GAS7: variants seen among roughly 807,000 people sequenced by gnomAD.
GAS7 encodes growth arrest-specific protein 7.
In GAS7, 28 loss-of-function variants were observed where a neutral mutation model predicts 71.1. The observed-to-expected ratio is 0.39, with a 90% CI of 0.29 to 0.54. The LOEUF (loss-of-function observed/expected upper bound fraction) is 0.54, where lower values mean the gene tolerates loss of function less well. Ranked by LOEUF, GAS7 falls within the 20% of genes least tolerant of loss-of-function variation. The pLI is 0.62. For synonymous variants in GAS7, 258 were observed against 245.8 expected (o/e 1.05, Z -0.46); for missense variants, 436 against 627.8 (o/e 0.69, Z 3.27).
At chr17:10,061,471 C>T (rs1029782202) in intron 1 of GAS7, 7 of 152,232 alleles carry the variant, frequency 4.6e-5, no homozygotes, top group African/African-American at 1.4e-4. Flanking sequence ...ACAAACAGCG[C>T]CAGGGGCGTC....
At chr17:10,058,592 T>A (rs186057852) in intron 1 of GAS7, among the ~76,000 whole-genome samples, 3 of 152,318 alleles carry the variant, frequency 2.0e-5, no homozygotes, top group Admixed American at 2.0e-4. Flanking sequence ...TTCGGACAAC[T>A]CCTCTGGCTG....
rs549011075 is a variant in GAS7, at chr17:9,996,849, AG to A, written c.305-14966del. ...GAGACAGAGTTTCTCCATGTTGGCCAGGCTGGTCTCGAACTCCTGATCTCAG... is the reference window on the plus strand; with the variant it reads ...GAGACAGAGTTTCTCCATGTTGGCCAGCTGGTCTCGAACTCCTGATCTCAG... On this transcript the variant is annotated intron_variant, in intron 2 of 13. Coordinates refer to ENST00000432992, the MANE Select transcript of GAS7 (RefSeq NM_201433.2). 3.8e-3 allele frequency among the ~76,000 whole-genome samples: 570 copies of A among 151,894 alleles called. 2 individuals are homozygous for A. Among genetic ancestry groups the A allele is most frequent in the African/African-American group, 0.013 (538 of 41,266 alleles).
At position 9,959,480 on chromosome 17, in the gene GAS7, A is replaced by T. The variant is rs1366977302; in HGVS notation, c.472-225T>A. 7.1e-7 allele frequency: 1 copy of T among 1,400,272 alleles called. No homozygotes were observed. The highest frequency in any genetic ancestry group is 1.4e-5 in the African/African-American group (1 of 69,022). 86.7% of individuals were successfully genotyped at this position (1,400,272 alleles called of 1,614,324 possible). On this transcript the variant is annotated intron_variant, in intron 4 of 13. Coordinates refer to ENST00000432992, the MANE Select transcript of GAS7 (RefSeq NM_201433.2). The surrounding 1 kb of genome is among the most constrained non-coding windows in gnomAD (Gnocchi z 5.0). Reference sequence around the variant, plus strand: ...GGCGAATTAAGGAAGCCTCCTGCACAGGCTCTGAGAGAACTGCTCCAAACC... The same window carrying T: ...GGCGAATTAAGGAAGCCTCCTGCACTGGCTCTGAGAGAACTGCTCCAAACC...
chr17:10,150,690 G>A lies in GAS7; in HGVS notation c.183+47518C>T, dbSNP rs193254023. On this transcript the variant is annotated intron_variant, in intron 1 of 13. Transcript: ENST00000432992. ...TGCAACCTCTGCCTCACAGGCTCAA[G>A]CAATTCTCCTGCCTCAGCCTCCCGA... 8.4e-4 allele frequency among the ~76,000 whole-genome samples: 126 copies of A among 150,386 alleles called. 1 individual carries two copies. The highest frequency in any genetic ancestry group is 3.0e-3 in the African/African-American group (124 of 40,676).
intron 1 of GAS7, among the ~76,000 whole-genome samples, chr17:10,161,510 G>C (rs531642571): frequency 1.3e-5 from 2 of 152,182 alleles, no homozygotes; most frequent in African/African-American, 2.4e-5. Context: ...CTTGTCCTCT[G>C]ACTCGAGCAC....
chr17:9,944,536 G>A (rs550629177), intron 6 of GAS7, among the ~76,000 whole-genome samples: 1 of 152,298 alleles, frequency 6.6e-6, no homozygotes, highest in South Asian at 2.1e-4. Context: ...GGAAAGAAAA[G>A]GGGTTGCTGA....
At chr17:10,098,449 G>C (rs2073666451) in intron 1 of GAS7, among the ~76,000 whole-genome samples, 1 of 152,230 alleles carries the variant, frequency 6.6e-6, no homozygotes, top group South Asian at 2.1e-4. Flanking sequence ...GAGGATGCAG[G>C]GTGATGAGGT....
At chr17:10,152,531 G>A (rs565054400) in intron 1 of GAS7, among the ~76,000 whole-genome samples, 5 of 152,112 alleles carry the variant, frequency 3.3e-5, no homozygotes, top group Admixed American at 6.5e-5. Flanking sequence ...CACCTAGACC[G>A]AGTGACTCAT....
Position 10,018,271 on chromosome 17 carries a change from T to C in GAS7, c.304+1506A>G, listed in dbSNP as rs572435124. ...AACTAGTCTCTAACTTAAAAAAAGATAAAGATGCTGAAATTCAGAAAGCCA... is the reference window on the plus strand; with the variant it reads ...AACTAGTCTCTAACTTAAAAAAAGACAAAGATGCTGAAATTCAGAAAGCCA... On this transcript the variant is annotated intron_variant, in intron 2 of 13. Coordinates refer to ENST00000432992, the MANE Select transcript of GAS7 (RefSeq NM_201433.2). 5.9e-5 allele frequency among the ~76,000 whole-genome samples: 9 copies of C among 152,314 alleles called. No individual in the cohort carries two copies. In the South Asian group the frequency reaches 1.4e-3, roughly 25 times the overall value.
At chr17:9,927,286 TACATAC>T (rs1302208821) in intron 9 of GAS7, among the ~76,000 whole-genome samples, 3 of 68,736 alleles carry the variant, frequency 4.4e-5, no homozygotes, top group South Asian at 4.7e-4. Context: ...CCATCTCTAC[TACATAC>T]ACACACACAC....
At chr17:10,183,485 G>A (rs1263318382) in intron 1 of GAS7, among the ~76,000 whole-genome samples, 1 of 152,178 alleles carries the variant, frequency 6.6e-6, no homozygotes, top group Non-Finnish European at 1.5e-5. Context: ...TGTGTACAAA[G>A]TGCCAAAGCT....
rs187832862 is a variant in GAS7 at position 10,031,606 on chromosome 17, C to T, written c.184-11709G>A. On this transcript the variant is annotated intron_variant, in intron 1 of 13. Transcript: ENST00000432992. Reference sequence around the variant, plus strand: ...GGGCCTTGCAGAACCCCTATTCCTGCATGACCCTTCCTCCTCTGACTCTGG... The same window carrying T: ...GGGCCTTGCAGAACCCCTATTCCTGTATGACCCTTCCTCCTCTGACTCTGG... Among the ~76,000 whole-genome samples, 38 of 152,354 alleles carry T rather than the reference C, an allele frequency of 2.5e-4. 1 individual carries two copies. Among genetic ancestry groups the T allele is most frequent in the Non-Finnish European group, 3.1e-4 (21 of 68,028 alleles).
chr17:10,075,538 T>C (rs1330443470), intron 1 of GAS7, among the ~76,000 whole-genome samples: 2 of 152,100 alleles, frequency 1.3e-5, no homozygotes, highest in Non-Finnish European at 1.5e-5. Context: ...ATAAAGCCTC[T>C]AATCCCAGCA....
At chr17:9,962,239 T>TACACACACACACACACACACACAC (rs58521200) in intron 4 of GAS7, among the ~76,000 whole-genome samples, 17 of 148,614 alleles carry the variant, frequency 1.1e-4, no homozygotes, top group South Asian at 4.3e-4. Context: ...GTGCATTTTA[T>TACACACACACACACACACACACAC]ACACACACAC....
chr17:10,069,090 T>C (rs2073313502), intron 1 of GAS7, among the ~76,000 whole-genome samples: 1 of 152,300 alleles, frequency 6.6e-6, no homozygotes, highest in East Asian at 1.9e-4. Flanking sequence ...ATTACTCACA[T>C]GAACAGTTTA....
chr17:9,946,802 C>A, intron 6 of GAS7, 92 bp downstream of exon 6: 1 of 740,506 alleles, frequency 1.4e-6, no homozygotes, highest in Non-Finnish European at 2.3e-6. Context: ...AAAGGCCCCT[C>A]CACTTTGAGA....
chr17:9,959,083 T>C lies in GAS7; in HGVS notation c.525+119A>G. On this transcript the variant is annotated intron_variant, in intron 5 of 13. Coordinates refer to ENST00000432992, the MANE Select transcript of GAS7 (RefSeq NM_201433.2). This position sits in a 1 kb window ranked among gnomAD's most constrained non-coding sequence, Gnocchi z 5.0. ...TTGAGTGAAATCCGAGCTTTGGAAC[T>C]TCCCCGTTTCCAGGTTGGGCATCAC... is the stretch of plus-strand genomic sequence containing the variant. 7.4e-7 allele frequency: 1 copy of C among 1,356,832 alleles called. No homozygotes were observed. The highest frequency in any genetic ancestry group is 1.5e-5 in the South Asian group (1 of 67,690). The allele number at this position is 1,356,832 out of a possible 1,614,324, so 84.0% of individuals were successfully genotyped here.
intron 1 of GAS7, among the ~76,000 whole-genome samples, chr17:10,041,513 T>C (rs1157096286): frequency 6.6e-6 from 1 of 152,242 alleles, no homozygotes. Context: ...ACCAGGAGGC[T>C]GATCTGCTGT....
intron 1 of GAS7, among the ~76,000 whole-genome samples, chr17:10,196,779 C>A (rs752017282): frequency 1.3e-5 from 2 of 152,188 alleles, no homozygotes; most frequent in African/African-American, 2.4e-5. Flanking sequence ...TATCCCAGGG[C>A]TTCAAGCTAG....
Sources: gnomAD v4.1 joint callset for allele counts (sites outside exome capture counted in the v4.1 genomes callset) on GRCh38, gnomAD v4.1.1 for gene constraint, Gnocchi (gnomAD v3.1) non-coding constraint, MANE v1.5 for transcripts, NCBI Gene and HGNC (gene_info 2026-07-23, HGNC 2026-07-21) for gene names.